Variants in GMDS observed in about 807,000 individuals in gnomAD.
GMDS encodes GDP-mannose 4,6 dehydratase.
Under a neutral mutation model 49.9 loss-of-function variants are expected in GMDS, and 20 were observed. The ratio of observed to expected loss-of-function variants is 0.40; its 90% CI spans 0.28 to 0.58. GMDS has a LOEUF of 0.58. Among genes scored for constraint, GMDS ranks in the 20% least tolerant of loss-of-function variants. The pLI, the probability that GMDS is intolerant of heterozygous loss-of-function variation, is 0.42. For synonymous variants in GMDS, 177 were observed against 178.6 expected, an observed-to-expected ratio of 0.99 and a Z score of 0.07; for missense variants, 362 against 481.4, an observed-to-expected ratio of 0.75 and a Z score of 2.32.
At chr6:1,961,318 G>A (rs553997048) in intron 4 of GMDS, among the ~76,000 whole-genome samples, 34 of 152,230 alleles carry the variant, frequency 2.2e-4, no homozygotes, top group African/African-American at 7.5e-4. Flanking sequence ...ATCTCTTTGG[G>A]GGGTAGGGAC....
chr6:1,661,177 G>A (rs1478641238), intron 9 of GMDS, among the ~76,000 whole-genome samples: 2 of 152,104 alleles, frequency 1.3e-5, no homozygotes, highest in Non-Finnish European at 2.9e-5. Flanking sequence ...CCTGAAGTCT[G>A]CGTACAGGCC....
At chr6:1,664,367 C>T (rs1659576309) in intron 9 of GMDS, among the ~76,000 whole-genome samples, 1 of 152,244 alleles carries the variant, frequency 6.6e-6, no homozygotes, top group Admixed American at 6.5e-5. Context: ...CCTGGAACCA[C>T]ACTGTCCTCT....
At chr6:2,042,746 T>C (rs1235055259) in intron 4 of GMDS, among the ~76,000 whole-genome samples, 2 of 152,174 alleles carry the variant, frequency 1.3e-5, no homozygotes, top group African/African-American at 4.8e-5. Context: ...TTTATCATTT[T>C]CAAAAGAAAT....
chr6:2,033,968 A>T (rs893997300), intron 4 of GMDS, among the ~76,000 whole-genome samples: 6 of 152,210 alleles, frequency 3.9e-5, no homozygotes, highest in African/African-American at 1.4e-4. Context: ...TACTGAAAAA[A>T]ATATTAAAAC....
chr6:1,803,659 G>A (rs961813276), intron 7 of GMDS, among the ~76,000 whole-genome samples: 7 of 152,098 alleles, frequency 4.6e-5, no homozygotes, highest in African/African-American at 1.7e-4. Flanking sequence ...GAGATGCCAG[G>A]CCAATAATTA....
intron 6 of GMDS, among the ~76,000 whole-genome samples, chr6:1,945,841 C>T (rs1401556611): frequency 6.6e-6 from 1 of 152,206 alleles, no homozygotes; most frequent in Non-Finnish European, 1.5e-5. Flanking sequence ...GACTTAACAA[C>T]CATGTAAAAC....
intron 7 of GMDS, among the ~76,000 whole-genome samples, chr6:1,781,614 TGTG>T (rs927823363): frequency 3.1e-5 from 4 of 128,316 alleles, no homozygotes; most frequent in Non-Finnish European, 6.5e-5. Flanking sequence ...TCAAATCAAA[TGTG>T]GTGATGGCTC....
intron 9 of GMDS, among the ~76,000 whole-genome samples, chr6:1,720,955 G>A (rs1291130601): frequency 6.6e-6 from 1 of 152,124 alleles, no homozygotes; most frequent in Non-Finnish European, 1.5e-5. Context: ...GACAGTTTCA[G>A]GACAAAAGGC....
At chr6:2,064,997 T>C (rs979145820) in intron 4 of GMDS, among the ~76,000 whole-genome samples, 5 of 152,134 alleles carry the variant, frequency 3.3e-5, no homozygotes, top group African/African-American at 1.2e-4. Context: ...AAGACAGCAG[T>C]AACCTCTGCA....
At chr6:1,767,418 G>GTCAAGTTATTACT (rs1390699199) in intron 7 of GMDS, among the ~76,000 whole-genome samples, 2 of 152,292 alleles carry the variant, frequency 1.3e-5, no homozygotes, top group African/African-American at 4.8e-5. Context: ...GCCAAGCAAA[G>GTCAAGTTATTACT]TCAAGTTATT....
intron 4 of GMDS, among the ~76,000 whole-genome samples, chr6:2,077,323 T>C (rs985315494): frequency 1.3e-5 from 2 of 152,196 alleles, no homozygotes; most frequent in South Asian, 2.1e-4. Context: ...CCATGTAGAA[T>C]AGGAGTGGTG....
intron 7 of GMDS, 21 bp from the exon 8 acceptor site, chr6:1,742,607 GT>G (rs773904062): frequency 2.2e-6 from 3 of 1,370,580 alleles, no homozygotes; most frequent in Non-Finnish European, 3.1e-6. Flanking sequence ...AGAGAGGCAA[GT>G]TCACTTTGAA....
intron 9 of GMDS, among the ~76,000 whole-genome samples, chr6:1,671,253 T>C (rs2113280300): frequency 6.6e-6 from 1 of 152,222 alleles, no homozygotes; most frequent in Middle Eastern, 3.4e-3. Flanking sequence ...CACTCTCAAT[T>C]AGGAGTTTAC....
At chr6:2,114,105 A>G (rs2127498131) in intron 4 of GMDS, among the ~76,000 whole-genome samples, 1 of 152,278 alleles carries the variant, frequency 6.6e-6, no homozygotes, top group Non-Finnish European at 1.5e-5. Context: ...GGGGAAAGGA[A>G]AGAATCAGCC....
intron 4 of GMDS, among the ~76,000 whole-genome samples, chr6:2,061,636 T>C (rs1771179698): frequency 6.7e-6 from 1 of 149,292 alleles, no homozygotes. Flanking sequence ...CAAGAAATGC[T>C]TGAACCTCGG....
intron 7 of GMDS, among the ~76,000 whole-genome samples, chr6:1,881,070 A>T: frequency 6.6e-6 from 1 of 152,246 alleles, no homozygotes; most frequent in East Asian, 1.9e-4. Context: ...TTCTGAGATG[A>T]AGAGAAAATG....
intron 4 of GMDS, among the ~76,000 whole-genome samples, chr6:2,038,551 A>G (rs1769445785): frequency 6.6e-6 from 1 of 151,114 alleles, no homozygotes; most frequent in African/African-American, 2.4e-5. Flanking sequence ...TCCTGCTCAT[A>G]CAGAAAAACA....
chr6:1,893,189 T>G lies in GMDS; in HGVS notation c.771+36914A>C, dbSNP rs992643630. Among the ~76,000 whole-genome samples, 51 of 136,596 alleles carry G rather than the reference T, an allele frequency of 3.7e-4. 1 individual carries two copies. The highest frequency in any genetic ancestry group is 7.9e-5 in the Non-Finnish European group (5 of 63,572). The allele number at this position is 136,596 out of a possible 152,430, so 89.6% of individuals were successfully genotyped here. A position where few individuals can be genotyped will look rare whatever the true frequency, so the allele number is the denominator to read the frequency against. On this transcript the variant is annotated intron_variant, in intron 7 of 10. Transcript: ENST00000380815. Reference sequence around the variant, plus strand: ...ACAGTTTCTCATCTCTGGTTTTTTGTTTTCTTTTTTTTTTTTTTTTTTGAG... The same window carrying G: ...ACAGTTTCTCATCTCTGGTTTTTTGGTTTCTTTTTTTTTTTTTTTTTTGAG...
chr6:1,889,624 C>A (rs1042442700), intron 7 of GMDS, among the ~76,000 whole-genome samples: 15 of 152,098 alleles, frequency 9.9e-5, no homozygotes, highest in Non-Finnish European at 2.9e-5. Context: ...ATTTTTACTA[C>A]TTAAAAAAAT....
Sources: gnomAD v4.1 joint callset for allele counts (sites outside exome capture counted in the v4.1 genomes callset) on GRCh38, gnomAD v4.1.1 for gene constraint, MANE v1.5 for transcripts, NCBI Gene and HGNC (gene_info 2026-07-23, HGNC 2026-07-21) for gene names.